Variants in GPX4 observed in about 807,000 individuals in gnomAD.
GPX4 encodes the protein glutathione peroxidase 4, also known as phospholipid hydroperoxide glutathione peroxidase GPX4.
A neutral mutation model predicts 27.8 loss-of-function variants in GPX4; 28 were observed. That is an observed-to-expected ratio of 1.01 (90% CI 0.75 to 1.38). The LOEUF (loss-of-function observed/expected upper bound fraction) is 1.38, where lower values mean the gene tolerates loss of function less well. Ranked by LOEUF, GPX4 falls within the 40% of genes most tolerant of loss-of-function variation. The probability of loss-of-function intolerance (pLI) is 0.00; values close to 1 mark genes in which losing one functional copy is unlikely to be tolerated. For missense variants in GPX4, 357 were observed against 274.1 expected (o/e 1.30, Z -2.14); for synonymous variants, 163 against 107.8 (o/e 1.51, Z -3.17).
In GPX4 at chr19:1,105,385, A is replaced by C. The variant is rs772198561; in HGVS notation, c.199A>C (p.Thr67Pro). The change falls in exon 3 of 7, where the codon ACC (threonine) becomes CCC (proline). Residue 67 changes from threonine to proline, a missense_variant. Coordinates refer to ENST00000354171, the MANE Select transcript of GPX4 (RefSeq NM_002085.5). ...DKYRGFVCIV[T>P]NVASQUGKTE... ...TCGCAGGGGCTTCGTGTGCATCGTC[A>C]CCAACGTGGCCTCCCAGTGAGGCAA... is the stretch of plus-strand genomic sequence containing the variant. The C allele has an allele frequency of 5.2e-5, 83 of 1,610,416 alleles. No individual in the cohort carries two copies. The highest frequency in any genetic ancestry group is 6.8e-5 in the Non-Finnish European group (80 of 1,178,090).
rs781683954 is a variant in GPX4, at chr19:1,104,940, G to T, written c.85-246G>T. Reference sequence around the variant, plus strand: ...AAGTCCCAGGACCCGGTGCGCGCGGGGCCCCCACACCGGCTAATGTGGCAC... The same window carrying T: ...AAGTCCCAGGACCCGGTGCGCGCGGTGCCCCCACACCGGCTAATGTGGCAC... On this transcript the variant is annotated intron_variant, in intron 1 of 6. Transcript: ENST00000354171. 2.0e-6 allele frequency: 3 copies of T among 1,465,028 alleles called. No homozygotes were observed. In the African/African-American group the frequency reaches 4.2e-5, roughly 21 times the overall value. The allele number at this position is 1,465,028 out of a possible 1,614,324, so 90.8% of individuals were successfully genotyped here.
intron 4 of GPX4, 94 bp downstream of exon 4, chr19:1,105,903 T>C (rs2079646418): frequency 1.6e-6 from 2 of 1,226,604 alleles, no homozygotes; most frequent in Non-Finnish European, 2.2e-6. Flanking sequence ...GGCTCATGGC[T>C]CGGGGGGCGG....
At position 1,104,088 on chromosome 19, in the gene GPX4, C is replaced by A. The variant is rs544230793; in HGVS notation, c.45C>A (p.Leu15=). The change falls in exon 1 of 7, where the codon CTC becomes CTA. Residue 15 remains leucine, a synonymous_variant. Coordinates refer to ENST00000354171, the MANE Select transcript of GPX4 (RefSeq NM_002085.5). ...GCCGCCTACTGAAGCCGGCGCTGCT[C>A]TGTGGGGCTCTGGCCGCGCCTGGCC... The part of the protein sequence containing the change: ...RLCRLLKPAL[L]CGALAAPGLA... 6.6e-7 allele frequency: 1 copy of A among 1,513,058 alleles called. No homozygotes were observed. The highest frequency in any genetic ancestry group is 8.8e-7 in the Non-Finnish European group (1 of 1,137,568). The allele number at this position is 1,513,058 out of a possible 1,614,324, so 93.7% of individuals were successfully genotyped here. A position where few individuals can be genotyped will look rare whatever the true frequency, so the allele number is the denominator to read the frequency against.
At position 1,104,085 on chromosome 19, in the gene GPX4, G is replaced by T; in HGVS notation, c.42G>T (p.Leu14=). ...TTTGCCGCCTACTGAAGCCGGCGCT[G>T]CTCTGTGGGGCTCTGGCCGCGCCTG... is the stretch of plus-strand genomic sequence containing the variant. ...GRLCRLLKPA[L]LCGALAAPGL... is the part of the protein sequence containing the mutation. The change falls in exon 1 of 7, where the codon CTG becomes CTT. Residue 14 remains leucine (L), a synonymous_variant. Coordinates refer to ENST00000354171, the MANE Select transcript of GPX4 (RefSeq NM_002085.5). 3 of 1,512,832 alleles carry T rather than the reference G, an allele frequency of 2.0e-6. No homozygotes were observed. Among genetic ancestry groups the T allele is most frequent in the South Asian group, 1.2e-5 (1 of 81,612 alleles). The allele number at this position is 1,512,832 out of a possible 1,614,324, so 93.7% of individuals were successfully genotyped here.
chr19:1,105,582 G>A, intron 3 of GPX4, 72 bp downstream of exon 3: 1 of 1,601,256 alleles, frequency 6.2e-7, no homozygotes, highest in African/African-American at 1.3e-5. Flanking sequence ...GCCTGGAGAG[G>A]GCCTGGGAGT....
rs2079633320 is a variant in GPX4, at chr19:1,105,229, A to G, written c.128A>G (p.Glu43Gly). ...TGGCGCTGTGCGCGCTCCATGCACG[A>G]GTTTTCCGCCAAGGACATCGACGGG... is the stretch of plus-strand genomic sequence containing the variant. ...DDWRCARSMH[E>G]FSAKDIDGHM... Residue 43 changes from glutamate to glycine, a missense_variant, in exon 2 of 7, where the codon GAG (glutamate) becomes GGG (glycine). Glu to Gly is a moderately conservative substitution (Grantham distance 98, BLOSUM62 -2). Coordinates refer to ENST00000354171, the MANE Select transcript of GPX4 (RefSeq NM_002085.5). 6.2e-7 allele frequency: 1 copy of G among 1,612,948 alleles called. No homozygotes were observed. Among genetic ancestry groups the G allele is most frequent in the Non-Finnish European group, 8.5e-7 (1 of 1,179,886 alleles).
At chr19:1,104,306 G>T in intron 1 of GPX4, 179 bp downstream of exon 1, 1 of 573,334 alleles carries the variant, frequency 1.7e-6, no homozygotes, top group Non-Finnish European at 2.8e-6. Flanking sequence ...ACTGCGACGC[G>T]CTCCGCGGCC....
In GPX4 at chr19:1,106,584, T is replaced by TGTGGCCCCGCCCGAGCCC; in HGVS notation, c.*13_*30dup. On this transcript the variant is annotated 3_prime_UTR_variant, in exon 7 of 7. Transcript: ENST00000354171. ...CCCACTATTTCTAGCTCCACAAGTG[T>TGTGGCCCCGCCCGAGCCC]GTGGCCCCGCCCGAGCCCCTGCCCA... is the stretch of plus-strand genomic sequence containing the variant. 1 of 1,613,288 alleles carries TGTGGCCCCGCCCGAGCCC rather than the reference T, an allele frequency of 6.2e-7. No individual in the cohort carries two copies. The highest frequency in any genetic ancestry group is 1.3e-5 in the African/African-American group (1 of 74,998).
At position 1,104,721 on chromosome 19, in the gene GPX4, G is replaced by T. The variant is rs2079626949; in HGVS notation, c.85-465G>T. The T allele has an allele frequency of 4.1e-6, 4 of 985,106 alleles. No homozygotes were observed. The South Asian group carries it at 1.9e-4, about 46-fold the overall frequency. The allele number at this position is 985,106 out of a possible 1,614,324, so 61.0% of individuals were successfully genotyped here. ...CGGGGTGGGGGAGCCAGGAGGGGCG[G>T]GAGACGGGCGGGTATGGGCCGCGCG... On this transcript the variant is annotated intron_variant, in intron 1 of 6. Coordinates refer to ENST00000354171, the MANE Select transcript of GPX4 (RefSeq NM_002085.5).
In GPX4 at chr19:1,105,373, G is replaced by C. The variant is rs745799475; in HGVS notation, c.187G>C (p.Val63Leu). Residue 63 changes from valine to leucine, a missense_variant, in exon 3 of 7, where the codon GTG becomes CTG. By Grantham distance (32) the Val-to-Leu change is conservative. Coordinates refer to ENST00000354171, the MANE Select transcript of GPX4 (RefSeq NM_002085.5). ...CGCCGCCGATCCTCGCAGGGGCTTC[G>C]TGTGCATCGTCACCAACGTGGCCTC... ...MVNLDKYRGF[V>L]CIVTNVASQU... The C allele has an allele frequency of 3.7e-6, 6 of 1,610,650 alleles. No individual in the cohort carries two copies. Among genetic ancestry groups the C allele is most frequent in the Non-Finnish European group, 1.7e-6 (2 of 1,178,178 alleles).
intron 1 of GPX4, chr19:1,104,794 C>G (rs2079627871): frequency 1.0e-6 from 1 of 990,754 alleles, no homozygotes; most frequent in South Asian, 4.7e-5. Flanking sequence ...AGAGCCGGGG[C>G]AGGCGGCGGC....
Sources: allele counts gnomAD v4.1 joint callset, GRCh38; gene constraint gnomAD v4.1.1; transcripts MANE v1.5; gene names NCBI Gene and HGNC (gene_info 2026-07-23, HGNC 2026-07-21).